AURKA: variants seen among roughly 807,000 people sequenced by gnomAD.
The protein encoded by AURKA is aurora 2.
AURKA carries 12 observed loss-of-function variants against 40.9 expected under a neutral mutation model. The ratio of observed to expected loss-of-function variants is 0.29; its 90% CI spans 0.19 to 0.48. The LOEUF (loss-of-function observed/expected upper bound fraction) is 0.48, where lower values mean the gene tolerates loss of function less well. Ranked by LOEUF, AURKA falls within the 20% of genes least tolerant of loss-of-function variation. The pLI, the probability that AURKA is intolerant of heterozygous loss-of-function variation, is 0.99. For synonymous variants in AURKA, 170 were observed against 164.3 expected, an observed-to-expected ratio of 1.03 and a Z score of -0.26; for missense variants, 322 against 462.1, an observed-to-expected ratio of 0.70 and a Z score of 2.78.
chr20:56,388,258 G>T, intron 1 of AURKA, 56 bp from the exon 2 acceptor site: 2 of 1,073,792 alleles, frequency 1.9e-6, no homozygotes, highest in Non-Finnish European at 2.4e-6. Context: ...TTAAAGTGCT[G>T]TTGCTCGATA....
chr20:56,375,431 T>G (rs1984812969), intron 6 of AURKA, among the ~76,000 whole-genome samples: 1 of 151,488 alleles, frequency 6.6e-6, no homozygotes, highest in African/African-American at 2.4e-5. Flanking sequence ...AAGCGTGAGC[T>G]ACCATGCCTG....
rs1220143739 is a variant in AURKA at position 56,373,841 on chromosome 20, T to C, written c.706-285A>G. 6.6e-6 allele frequency among the ~76,000 whole-genome samples: 1 copy of C among 152,104 alleles called. No homozygotes were observed. Among genetic ancestry groups the C allele is most frequent in the Non-Finnish European group, 1.5e-5 (1 of 68,020 alleles). ...GGTGCATGCCTGTAGTCCCAGCTAC[T>C]TGGGAGGCTGAGGCAGGAGGATTGC... On this transcript the variant is annotated intron_variant, in intron 6 of 8. Transcript: ENST00000395915. The surrounding 1 kb of genome is among the most constrained non-coding windows in gnomAD (Gnocchi z 5.0).
intron 3 of AURKA, 97 bp downstream of exon 3, chr20:56,386,160 G>C (rs1300125489): frequency 6.6e-6 from 10 of 1,525,132 alleles, no homozygotes; most frequent in African/African-American, 2.7e-5. Flanking sequence ...AGATATAAAA[G>C]CTAAGGCTCC....
At chr20:56,387,697 A>C (rs1337790685) in intron 2 of AURKA, among the ~76,000 whole-genome samples, 1 of 152,184 alleles carries the variant, frequency 6.6e-6, no homozygotes, top group African/African-American at 2.4e-5. Context: ...AAAGTCAGTT[A>C]CTCCTGAAAT....
At position 56,373,674 on chromosome 20, in the gene AURKA, G is replaced by C; in HGVS notation, c.706-118C>G. 1 of 1,183,964 alleles carries C rather than the reference G, an allele frequency of 8.4e-7. No individual in the cohort carries two copies. The highest frequency in any genetic ancestry group is 1.2e-6 in the Non-Finnish European group (1 of 823,748). The allele number at this position is 1,183,964 out of a possible 1,614,324, so 73.3% of individuals were successfully genotyped here. On this transcript the variant is annotated intron_variant, in intron 6 of 8. Transcript: ENST00000395915. This position sits in a 1 kb window ranked among gnomAD's most constrained non-coding sequence, Gnocchi z 5.0. ...TAACATGGTTTGCAGGTTTTGGCCA[G>C]GCACAGTGGCTCACACCTATAATCC...
chr20:56,378,228 T>G (rs6099122), intron 6 of AURKA, among the ~76,000 whole-genome samples: 16,256 of 152,142 alleles, frequency 0.11, 2,099 homozygotes, highest in African/African-American at 0.31. Context: ...GGACCTCAAT[T>G]CATTGGTTCC....
rs1983858978 is a variant in AURKA at position 56,369,821 on chromosome 20, T to C, written c.*337A>G. The C allele has an allele frequency of 2.1e-6, 1 of 477,898 alleles. No homozygotes were observed. The highest frequency in any genetic ancestry group is 1.9e-5 in the African/African-American group (1 of 51,940). 29.6% of individuals were successfully genotyped at this position (477,898 alleles called of 1,614,324 possible). A position where few individuals can be genotyped will look rare whatever the true frequency, so the allele number is the denominator to read the frequency against. Reference sequence around the variant, plus strand: ...ACTGATCGGGGTCAGGGCAGAGTGGTCACTTTCCCCACAGCCAGGCTCTGG... The same window carrying C: ...ACTGATCGGGGTCAGGGCAGAGTGGCCACTTTCCCCACAGCCAGGCTCTGG... On this transcript the variant is annotated 3_prime_UTR_variant, in exon 9 of 9. Coordinates refer to ENST00000395915, the MANE Select transcript of AURKA (RefSeq NM_198437.3).
chr20:56,369,675 T>C lies in AURKA; in HGVS notation c.*483A>G, dbSNP rs1600667327. On this transcript the variant is annotated 3_prime_UTR_variant, in exon 9 of 9. Transcript: ENST00000395915. ...GAGAAAAAATACAAGTCTGTACATA[T>C]ATCTTTATTTTCATACTTAAAAAGA... 4 of 336,328 alleles carry C rather than the reference T, an allele frequency of 1.2e-5. No homozygotes were observed. The highest frequency in any genetic ancestry group is 8.7e-5 in the Admixed American group (2 of 23,004). The allele number at this position is 336,328 out of a possible 1,614,324, so 20.8% of individuals were successfully genotyped here. A position where few individuals can be genotyped will look rare whatever the true frequency, so the allele number is the denominator to read the frequency against.
At chr20:56,386,000 C>A (rs1192802414) in intron 3 of AURKA, among the ~76,000 whole-genome samples, 1 of 152,160 alleles carries the variant, frequency 6.6e-6, no homozygotes, top group Non-Finnish European at 1.5e-5. Context: ...AACAAGCAAT[C>A]AAAAGGACAC....
chr20:56,380,482 TTTAAATAAATAAATGA>T (rs1194874515), intron 6 of AURKA, among the ~76,000 whole-genome samples: 2 of 152,114 alleles, frequency 1.3e-5, no homozygotes, highest in Non-Finnish European at 2.9e-5. Flanking sequence ...AGTCTACATC[TTTAAATAAATAAATGA>T]TTAAATAAAT....
intron 1 of AURKA, 143 bp from the exon 2 acceptor site, chr20:56,388,345 T>C: frequency 1.3e-6 from 1 of 783,436 alleles, no homozygotes; most frequent in Non-Finnish European, 2.2e-6. Context: ...ATGAAGCTAA[T>C]GAGGGAGGGA....
rs564960174 is a variant in AURKA at position 56,376,845 on chromosome 20, C to T, written c.706-3289G>A. Among the ~76,000 whole-genome samples, 7 of 152,136 alleles carry T rather than the reference C, an allele frequency of 4.6e-5. No homozygotes were observed. In the South Asian group the frequency reaches 6.2e-4, roughly 14 times the overall value. On this transcript the variant is annotated intron_variant, in intron 6 of 8. Transcript: ENST00000395915. ...CTGCAATCCCAACACTCTGGGAGGC[C>T]GAGGTGGGCAAATCACCTGAGGTCA...
chr20:56,379,251 T>G (rs1034877987), intron 6 of AURKA, among the ~76,000 whole-genome samples: 1 of 152,164 alleles, frequency 6.6e-6, no homozygotes, highest in Non-Finnish European at 1.5e-5. Context: ...GGTTAACAAT[T>G]CTGATACCAT....
Position 56,386,649 on chromosome 20 carries a change from G to C in AURKA, c.43-116C>G, listed in dbSNP as rs1207837845. 3.4e-6 allele frequency: 4 copies of C among 1,166,060 alleles called. No homozygotes were observed. The East Asian group carries it at 7.4e-5, about 22-fold the overall frequency. 72.2% of individuals were successfully genotyped at this position (1,166,060 alleles called of 1,614,324 possible). ...GCAAAATAATGAATGTCACTGATAA[G>C]AGATGGAAGGTGAAAAGGTATTTTA... On this transcript the variant is annotated intron_variant, in intron 2 of 8. Coordinates refer to ENST00000395915, the MANE Select transcript of AURKA (RefSeq NM_198437.3).
chr20:56,379,636 C>T (rs1418829995), intron 6 of AURKA, among the ~76,000 whole-genome samples: 2 of 152,066 alleles, frequency 1.3e-5, no homozygotes, highest in African/African-American at 2.4e-5. Context: ...GAAATATACA[C>T]GATGAGGCCT....
At chr20:56,391,435 G>A (rs533024386) in intron 1 of AURKA, among the ~76,000 whole-genome samples, 1 of 152,120 alleles carries the variant, frequency 6.6e-6, no homozygotes. Context: ...CGATTTGTAT[G>A]CACCGGTCTG....
At chr20:56,370,830 G>GT (rs781551503) in intron 7 of AURKA, among the ~76,000 whole-genome samples, 171 bp from the exon 8 acceptor site, 10 of 152,308 alleles carry the variant, frequency 6.6e-5, no homozygotes, top group Admixed American at 2.6e-4. Context: ...GAAGCGAGGT[G>GT]TGTAAGGTCA....
intron 4 of AURKA, among the ~76,000 whole-genome samples, 153 bp downstream of exon 4, chr20:56,384,117 A>AT (rs1277433642): frequency 1.3e-5 from 2 of 152,048 alleles, no homozygotes; most frequent in African/African-American, 4.8e-5. Context: ...ACAAAATTCC[A>AT]TTTTTTTTAA....
At chr20:56,383,326 T>C in intron 4 of AURKA, 150 bp from the exon 5 acceptor site, 1 of 842,118 alleles carries the variant, frequency 1.2e-6, no homozygotes. Context: ...ATAACCACTA[T>C]CAAAGAGCTG....
Sources: gnomAD v4.1 joint callset for allele counts (sites outside exome capture counted in the v4.1 genomes callset) on GRCh38, gnomAD v4.1.1 for gene constraint, Gnocchi (gnomAD v3.1) non-coding constraint, MANE v1.5 for transcripts, NCBI Gene and HGNC (gene_info 2026-07-23, HGNC 2026-07-21) for gene names.